The following CLRN1 variants were observed in gnomAD, a reference collection of about 807,000 sequenced individuals.
CLRN1 encodes the protein clarin-1.
CLRN1 carries 15 observed loss-of-function variants against 18.7 expected under a neutral mutation model. That is an observed-to-expected ratio of 0.80 (90% CI 0.54 to 1.23). The LOEUF (loss-of-function observed/expected upper bound fraction) is 1.23. CLRN1 is among the 50% of genes most tolerant of loss of function. The pLI is 0.00. For missense variants in CLRN1, 311 were observed against 277.5 expected, an observed-to-expected ratio of 1.12 and a Z score of -0.86; for synonymous variants, 104 against 102.9, an observed-to-expected ratio of 1.01 and a Z score of -0.07.
chr3:150,972,461 A>C lies in CLRN1; in HGVS notation c.248T>G (p.Phe83Cys). ...CAAATGCAATTGCTACTTACATGAG[A>C]ACCGAAAGGGCCTTGCTCCCAACCC... is the stretch of plus-strand genomic sequence containing the variant. ...QCGLGARPFR[F>C]SFFPDLLKAI... is the part of the protein sequence containing the mutation. The change falls in exon 1 of 3, where the codon TTC (phenylalanine) becomes TGC (cysteine). Residue 83 changes from phenylalanine (F) to cysteine (C), a missense_variant. Physicochemically the swap from Phe to Cys is radical, Grantham distance 205. Coordinates refer to ENST00000327047, the MANE Select transcript of CLRN1 (RefSeq NM_174878.3). 6.2e-7 allele frequency: 1 copy of C among 1,614,158 alleles called. No homozygotes were observed. Among genetic ancestry groups the C allele is most frequent in the Non-Finnish European group, 8.5e-7 (1 of 1,180,042 alleles).
At chr3:150,947,379 C>A (rs1256103163) in intron 1 of CLRN1, among the ~76,000 whole-genome samples, 2 of 152,122 alleles carry the variant, frequency 1.3e-5, no homozygotes, top group Non-Finnish European at 2.9e-5. Flanking sequence ...ATATATGCAT[C>A]CAACACAGAA....
At position 150,926,681 on chromosome 3, in the gene CLRN1, A is replaced by G. The variant is rs1286407732; in HGVS notation, c.*1255T>C. Reference sequence around the variant, plus strand: ...CATCCTTGTAAATAGTTCCAAAGGGAAACAGTGTTTTATTTTAAGGAGTAC... The same window carrying G: ...CATCCTTGTAAATAGTTCCAAAGGGGAACAGTGTTTTATTTTAAGGAGTAC... On this transcript the variant is annotated 3_prime_UTR_variant, in exon 3 of 3. Transcript: ENST00000327047. 1 of 1,071,728 alleles carries G rather than the reference A, an allele frequency of 9.3e-7. No individual in the cohort carries two copies. The highest frequency in any genetic ancestry group is 1.9e-5 in the Admixed American group (1 of 51,704). 66.4% of individuals were successfully genotyped at this position (1,071,728 alleles called of 1,614,324 possible). A position where few individuals can be genotyped will look rare whatever the true frequency, so the allele number is the denominator to read the frequency against.
intron 1 of CLRN1, among the ~76,000 whole-genome samples, chr3:150,943,286 A>G (rs752352854): frequency 6.6e-6 from 1 of 152,112 alleles, no homozygotes; most frequent in Non-Finnish European, 1.5e-5. Context: ...CTCTTTCCCA[A>G]TTGGTTCTTT....
intron 1 of CLRN1, among the ~76,000 whole-genome samples, chr3:150,945,911 T>C (rs1714141080): frequency 6.6e-6 from 1 of 152,222 alleles, no homozygotes; most frequent in Non-Finnish European, 1.5e-5. Flanking sequence ...AATTTAACTT[T>C]CAGGATTTTA....
chr3:150,969,327 T>A (rs1715422747), intron 1 of CLRN1, among the ~76,000 whole-genome samples: 2 of 104,424 alleles, frequency 1.9e-5, no homozygotes, highest in African/African-American at 8.0e-5. Flanking sequence ...TTTTTTTTTT[T>A]TTTTTTTTTT....
At chr3:150,945,509 C>T (rs998975982) in intron 1 of CLRN1, 1 of 1,285,928 alleles carries the variant, frequency 7.8e-7, no homozygotes, top group Non-Finnish European at 1.0e-6. Flanking sequence ...ATGTAATTAA[C>T]TAACTACATA....
chr3:150,971,851 G>A (rs1715552810), intron 1 of CLRN1, among the ~76,000 whole-genome samples: 1 of 152,198 alleles, frequency 6.6e-6, no homozygotes, highest in African/African-American at 2.4e-5. Context: ...TACATGATTT[G>A]CAGGTCAATC....
chr3:150,957,238 TAC>T (rs34726423), intron 1 of CLRN1, among the ~76,000 whole-genome samples: 11,909 of 146,382 alleles, frequency 0.081, 637 homozygotes, highest in East Asian at 0.23. Context: ...TCCCATTTTA[TAC>T]ACACACACAC....
intron 1 of CLRN1, chr3:150,945,654 G>A (rs1714123911): frequency 3.9e-6 from 5 of 1,281,484 alleles, no homozygotes; most frequent in Middle Eastern, 3.3e-4. Flanking sequence ...GACTGCTGAT[G>A]TTTAGTTGTA....
intron 1 of CLRN1, among the ~76,000 whole-genome samples, chr3:150,971,285 T>A (rs534177350): frequency 6.6e-6 from 1 of 152,318 alleles, no homozygotes; most frequent in Non-Finnish European, 1.5e-5. Flanking sequence ...AGAACTGGTA[T>A]CCACTTCATC....
At chr3:150,943,503 C>T (rs1275365867) in intron 1 of CLRN1, among the ~76,000 whole-genome samples, 4 of 152,156 alleles carry the variant, frequency 2.6e-5, no homozygotes, top group Non-Finnish European at 4.4e-5. Flanking sequence ...GAGTGACCTG[C>T]CCTTCCCATT....
chr3:150,955,614 A>G (rs1714699651), intron 1 of CLRN1, among the ~76,000 whole-genome samples: 1 of 152,140 alleles, frequency 6.6e-6, no homozygotes, highest in Admixed American at 6.5e-5. Context: ...ATTCCAACAC[A>G]CTTGGGGGAT....
intron 2 of CLRN1, chr3:150,941,338 T>C: frequency 4.5e-6 from 2 of 442,246 alleles, no homozygotes; most frequent in African/African-American, 2.0e-5. Flanking sequence ...ATCCTCTTGA[T>C]TACATCTTCA....
intron 1 of CLRN1, chr3:150,945,693 G>A: frequency 8.1e-7 from 1 of 1,237,710 alleles, no homozygotes; most frequent in Non-Finnish European, 1.0e-6. Flanking sequence ...CTCACAATCA[G>A]AAAAATGCAC....
chr3:150,945,694 A>G, intron 1 of CLRN1: 1 of 1,231,960 alleles, frequency 8.1e-7, no homozygotes, highest in Non-Finnish European at 1.1e-6. Context: ...TCACAATCAG[A>G]AAAATGCACA....
chr3:150,942,006 T>A (rs759834964), intron 1 of CLRN1, among the ~76,000 whole-genome samples: 1 of 152,114 alleles, frequency 6.6e-6, no homozygotes, highest in South Asian at 2.1e-4. Context: ...CTGTGCTTGG[T>A]CATATGTAAT....
At chr3:150,961,295 C>T (rs945736570) in intron 1 of CLRN1, among the ~76,000 whole-genome samples, 19 of 152,102 alleles carry the variant, frequency 1.2e-4, no homozygotes, top group African/African-American at 4.1e-4. Flanking sequence ...CATTAGAGTC[C>T]CTGAGGAACT....
intron 1 of CLRN1, among the ~76,000 whole-genome samples, chr3:150,944,456 A>G (rs1340442281): frequency 6.6e-6 from 1 of 152,094 alleles, no homozygotes; most frequent in African/African-American, 2.4e-5. Context: ...CCAGAGATCT[A>G]AGGGAGGCTA....
intron 1 of CLRN1, among the ~76,000 whole-genome samples, chr3:150,967,177 T>C (rs1188187533): frequency 2.0e-5 from 3 of 152,202 alleles, no homozygotes; most frequent in Non-Finnish European, 2.9e-5. Flanking sequence ...CTGGGATGAA[T>C]AATACACAGC....
Sources: allele counts gnomAD v4.1 joint callset (sites outside exome capture counted in the v4.1 genomes callset), GRCh38; gene constraint gnomAD v4.1.1; transcripts MANE v1.5; gene names NCBI Gene and HGNC (gene_info 2026-07-23, HGNC 2026-07-21).